Variants in CDH18 observed in about 807,000 individuals in gnomAD.
CDH18 encodes cadherin-18.
A neutral mutation model predicts 67.9 loss-of-function variants in CDH18; 31 were observed. The observed-to-expected ratio is 0.46, with a 90% confidence interval of 0.34 to 0.62. The LOEUF (loss-of-function observed/expected upper bound fraction) is 0.62. CDH18 is among the 20% of genes least tolerant of loss of function. The pLI is 0.01. For missense variants in CDH18, 890 were observed against 975.5 expected (o/e 0.91, Z 1.17); for synonymous variants, 362 against 347.2 (o/e 1.04, Z -0.48).
At chr5:19,730,932 A>G (rs1392176231) in intron 4 of CDH18, among the ~76,000 whole-genome samples, 1 of 152,184 alleles carries the variant, frequency 6.6e-6, no homozygotes, top group Non-Finnish European at 1.5e-5. Flanking sequence ...ATCAGAAGCA[A>G]TTGAGGGAAC....
chr5:20,010,159 GGTGTGT>G (rs35461877), intron 2 of CDH18, among the ~76,000 whole-genome samples: 20 of 146,296 alleles, frequency 1.4e-4, no homozygotes, highest in Non-Finnish European at 9.0e-5. Flanking sequence ...AGTGGAAAGT[GGTGTGT>G]GTGTGTGTGT....
chr5:19,871,056 T>C (rs182330077), intron 2 of CDH18, among the ~76,000 whole-genome samples: 142 of 152,308 alleles, frequency 9.3e-4, no homozygotes, highest in East Asian at 4.4e-3. Context: ...TTCTATGAGA[T>C]GAGTACTAAT....
chr5:19,536,726 C>T (rs994015760), intron 9 of CDH18, among the ~76,000 whole-genome samples: 1 of 152,216 alleles, frequency 6.6e-6, no homozygotes, highest in South Asian at 2.1e-4. Context: ...CAACCAGGGT[C>T]GCTGGGCCTC....
intron 1 of CDH18, among the ~76,000 whole-genome samples, chr5:20,302,768 T>G (rs1296795618): frequency 1.3e-5 from 2 of 152,252 alleles, no homozygotes; most frequent in Non-Finnish European, 2.9e-5. Context: ...ACGTGAGCCC[T>G]TGGGCACTGA....
chr5:20,072,304 T>A (rs1743548624), intron 2 of CDH18, among the ~76,000 whole-genome samples: 1 of 152,074 alleles, frequency 6.6e-6, no homozygotes, highest in Non-Finnish European at 1.5e-5. Flanking sequence ...GTGTTTCTTT[T>A]GCCCAACTAA....
chr5:19,479,811 A>AAATAT, intron 12 of CDH18, among the ~76,000 whole-genome samples: 1 of 152,304 alleles, frequency 6.6e-6, no homozygotes, highest in South Asian at 2.1e-4. Flanking sequence ...CTTTTACAGC[A>AAATAT]TATTTGAGTT....
intron 1 of CDH18, among the ~76,000 whole-genome samples, chr5:20,319,123 C>T (rs4425515): frequency 0.99 from 150,909 of 152,226 alleles, 74,822 homozygotes; most frequent in Middle Eastern, 1. Flanking sequence ...CTTCTAACCA[C>T]CATATTGACT....
chr5:19,613,501 A>G (rs1051142528), intron 5 of CDH18, among the ~76,000 whole-genome samples: 1 of 152,180 alleles, frequency 6.6e-6, no homozygotes, highest in Admixed American at 6.5e-5. Context: ...AAAGAAACTG[A>G]TAAGGTTTAT....
intron 1 of CDH18, among the ~76,000 whole-genome samples, chr5:20,419,061 G>C (rs1207751828): frequency 6.6e-6 from 1 of 152,030 alleles, no homozygotes; most frequent in Admixed American, 6.6e-5. Flanking sequence ...ATTCTCACGT[G>C]TTGTGGGTGG....
intron 3 of CDH18, among the ~76,000 whole-genome samples, chr5:19,757,289 C>T (rs940446374): frequency 1.1e-4 from 17 of 152,184 alleles, no homozygotes; most frequent in African/African-American, 3.4e-4. Context: ...AACCTCTGAC[C>T]TTTCCATGAT....
At chr5:20,468,473 G>A (rs73764064) in intron 1 of CDH18, among the ~76,000 whole-genome samples, 9,506 of 152,018 alleles carry the variant, frequency 0.063, 941 homozygotes, top group African/African-American at 0.21. Context: ...CTTTCTCATC[G>A]TTAAATATGC....
chr5:19,561,654 AT>A (rs532757272), intron 8 of CDH18, among the ~76,000 whole-genome samples: 2 of 152,142 alleles, frequency 1.3e-5, no homozygotes, highest in Admixed American at 6.6e-5. Context: ...AACCTATTGA[AT>A]TTTTTTTAAA....
intron 1 of CDH18, among the ~76,000 whole-genome samples, chr5:20,309,016 A>G (rs60552882): frequency 0.037 from 5,706 of 152,290 alleles, 264 homozygotes; most frequent in African/African-American, 0.11. Context: ...GGCTCTAATC[A>G]TAAATGTTAA....
intron 1 of CDH18, among the ~76,000 whole-genome samples, chr5:20,571,458 T>C (rs1758814498): frequency 6.6e-6 from 1 of 152,138 alleles, no homozygotes; most frequent in Non-Finnish European, 1.5e-5. Context: ...GTCACATTGC[T>C]TAATAATTTA....
At chr5:20,028,261 C>T (rs1739091475) in intron 2 of CDH18, among the ~76,000 whole-genome samples, 1 of 151,980 alleles carries the variant, frequency 6.6e-6, no homozygotes, top group African/African-American at 2.4e-5. Context: ...ACAGTTCTTT[C>T]TCCTATATGA....
rs534565460 is a variant in CDH18, at chr5:20,391,131, T to C, written c.-579-135626A>G. Among the ~76,000 whole-genome samples the C allele has an allele frequency of 6.3e-4, 96 of 151,910 alleles. 2 individuals carry two copies. The highest frequency in any genetic ancestry group is 5.5e-3 in the Admixed American group (84 of 15,240). On this transcript the variant is annotated intron_variant, in intron 1 of 14. Coordinates refer to the CDH18 transcript ENST00000507958. Reference sequence around the variant, plus strand: ...CACATGTACCCTAAAACTTAAAGTATAATAAAAAAATAAAAAATTAAAAAT... The same window carrying C: ...CACATGTACCCTAAAACTTAAAGTACAATAAAAAAATAAAAAATTAAAAAT...
intron 1 of CDH18, among the ~76,000 whole-genome samples, chr5:20,532,585 G>A (rs532880786): frequency 6.6e-6 from 1 of 152,142 alleles, no homozygotes; most frequent in South Asian, 2.1e-4. Context: ...TGCAGTCAGA[G>A]GTCCAAGATG....
At chr5:20,043,505 C>T (rs958518058) in intron 2 of CDH18, among the ~76,000 whole-genome samples, 3 of 152,134 alleles carry the variant, frequency 2.0e-5, no homozygotes, top group Admixed American at 2.0e-4. Context: ...CACTGCTCAC[C>T]CCCTCCACAA....
intron 10 of CDH18, among the ~76,000 whole-genome samples, chr5:19,519,267 T>C (rs1214577773): frequency 1.3e-5 from 2 of 152,204 alleles, no homozygotes; most frequent in African/African-American, 2.4e-5. Context: ...GATAGACATA[T>C]ATTTTTCCCT....
Sources: gnomAD v4.1 joint callset for allele counts (sites outside exome capture counted in the v4.1 genomes callset) on GRCh38, gnomAD v4.1.1 for gene constraint, MANE v1.5 for transcripts, NCBI Gene and HGNC (gene_info 2026-07-23, HGNC 2026-07-21) for gene names.